The following MARCHF6 variants were observed in gnomAD, a reference collection of about 807,000 sequenced individuals.
MARCHF6 encodes the protein E3 ubiquitin-protein ligase MARCHF6.
A neutral mutation model predicts 133.7 loss-of-function variants in MARCHF6; 31 were observed. The observed-to-expected ratio is 0.23, with a 90% CI of 0.17 to 0.31. The LOEUF (loss-of-function observed/expected upper bound fraction) is 0.31. Among genes scored for constraint, MARCHF6 ranks in the 10% least tolerant of loss-of-function variants. The probability of loss-of-function intolerance (pLI) is 1.00; values close to 1 mark genes in which losing one functional copy is unlikely to be tolerated. For synonymous variants in MARCHF6, 395 were observed against 402.5 expected (o/e 0.98, Z 0.22); for missense variants, 723 against 1,121.6 (o/e 0.64, Z 5.08).
At chr5:10,399,234 A>G (rs1420973124) in intron 10 of MARCHF6, among the ~76,000 whole-genome samples, 1 of 152,176 alleles carries the variant, frequency 6.6e-6, no homozygotes, top group Non-Finnish European at 1.5e-5. Flanking sequence ...AAAATTCAAC[A>G]TACAGTTTTT....
rs1561161237 is a variant in MARCHF6, at chr5:10,437,464, G to C, written c.*3780G>C. The C allele has an allele frequency of 2.6e-5, 4 of 152,202 alleles. No homozygotes were observed. The East Asian group carries it at 7.7e-4, about 29-fold the overall frequency. The allele number at this position is 152,202 out of a possible 1,614,324, so 9.4% of individuals were successfully genotyped here. A position where few individuals can be genotyped will look rare whatever the true frequency, so the allele number is the denominator to read the frequency against. ...TTTCTTTTCAGCCTGTTACTGTCCT[G>C]TGCCATTTTTAAAAATAGCCATCAT... On this transcript the variant is annotated 3_prime_UTR_variant, in exon 26 of 26. Transcript: ENST00000274140.
At chr5:10,403,381 C>G in intron 14 of MARCHF6, 26 bp from the exon 15 acceptor site, 1 of 1,601,600 alleles carries the variant, frequency 6.2e-7, no homozygotes, top group East Asian at 2.2e-5. Flanking sequence ...GCACAGATTT[C>G]TCTTACCTGT....
At position 10,417,263 on chromosome 5, in the gene MARCHF6, C is replaced by G. The variant is rs1189226465; in HGVS notation, c.2149-7C>G. On this transcript the variant is annotated splice_polypyrimidine_tract_variant and splice_region_variant and intron_variant, in intron 21 of 25. Coordinates refer to ENST00000274140, the MANE Select transcript of MARCHF6 (RefSeq NM_005885.4). ...CTTTAATGATGTGGGCTCCTGTTTC[C>G]TAATAGATCATGAAGACTTTGATAG... is the stretch of plus-strand genomic sequence containing the variant. 1 of 1,602,768 alleles carries G rather than the reference C, an allele frequency of 6.2e-7. No homozygotes were observed. The highest frequency in any genetic ancestry group is 1.4e-5 in the African/African-American group (1 of 73,694).
chr5:10,423,657 A>G, intron 22 of MARCHF6, 78 bp from the exon 23 acceptor site: 1 of 927,564 alleles, frequency 1.1e-6, no homozygotes, highest in Middle Eastern at 3.1e-4. Flanking sequence ...AAATAATGTA[A>G]GAAAATTATA....
rs745623962 is a variant in MARCHF6, at chr5:10,353,889, C to A, written c.-10C>A. The A allele has an allele frequency of 1.9e-6, 3 of 1,565,226 alleles. No homozygotes were observed. The highest frequency in any genetic ancestry group is 2.3e-5 in the South Asian group (2 of 85,972). Reference sequence around the variant, plus strand: ...CTCGTGGCTGCGTCACCGCCGCCCCCCCAGACAAGATGGACACCGCGGAGG... The same window carrying A: ...CTCGTGGCTGCGTCACCGCCGCCCCACCAGACAAGATGGACACCGCGGAGG... On this transcript the variant is annotated 5_prime_UTR_variant, in exon 1 of 26. Transcript: ENST00000274140.
intron 1 of MARCHF6, among the ~76,000 whole-genome samples, chr5:10,362,277 A>G (rs1246857181): frequency 1.3e-5 from 2 of 152,178 alleles, no homozygotes; most frequent in Non-Finnish European, 2.9e-5. Context: ...GTACATGTCT[A>G]CTACGTATCT....
chr5:10,413,740 C>T (rs544681262), intron 19 of MARCHF6, among the ~76,000 whole-genome samples: 108 of 152,198 alleles, frequency 7.1e-4, no homozygotes, highest in African/African-American at 2.6e-3. Flanking sequence ...TTTATAAAAC[C>T]GTCAGATCTG....
intron 19 of MARCHF6, among the ~76,000 whole-genome samples, chr5:10,413,874 G>A (rs1218784249): frequency 6.6e-6 from 1 of 152,034 alleles, no homozygotes; most frequent in South Asian, 2.1e-4. Flanking sequence ...ATTTGAGTGG[G>A]GACACAGTCA....
At chr5:10,361,324 A>G (rs1735807748) in intron 1 of MARCHF6, among the ~76,000 whole-genome samples, 3 of 152,218 alleles carry the variant, frequency 2.0e-5, no homozygotes, top group African/African-American at 4.8e-5. Flanking sequence ...ACAAAGTACT[A>G]CAGATTGGGT....
intron 18 of MARCHF6, 22 bp downstream of exon 18, chr5:10,410,298 C>T (rs1382291158): frequency 5.0e-6 from 8 of 1,608,932 alleles, no homozygotes; most frequent in Non-Finnish European, 6.8e-6. Context: ...CAGCTGACTC[C>T]TTGGACATGC....
intron 1 of MARCHF6, among the ~76,000 whole-genome samples, chr5:10,362,436 C>T (rs1246682696): frequency 6.6e-6 from 1 of 152,146 alleles, no homozygotes; most frequent in African/African-American, 2.4e-5. Flanking sequence ...CCCAAGACCC[C>T]TTTACATTCT....
chr5:10,389,916 T>C (rs772823125), intron 5 of MARCHF6, among the ~76,000 whole-genome samples: 1 of 152,208 alleles, frequency 6.6e-6, no homozygotes, highest in Non-Finnish European at 1.5e-5. Flanking sequence ...CAGAAACTCT[T>C]AGAGTTGGAC....
chr5:10,370,875 G>A (rs994569373), intron 1 of MARCHF6, among the ~76,000 whole-genome samples: 59 of 152,102 alleles, frequency 3.9e-4, no homozygotes, highest in Admixed American at 2.6e-4. Flanking sequence ...TGTTTTACTC[G>A]ATGGAGCAGT....
At chr5:10,357,311 T>C (rs538287659) in intron 1 of MARCHF6, among the ~76,000 whole-genome samples, 2 of 151,850 alleles carry the variant, frequency 1.3e-5, no homozygotes, top group Admixed American at 1.3e-4. Context: ...AAACATTTTG[T>C]CATAGAATGC....
intron 1 of MARCHF6, among the ~76,000 whole-genome samples, chr5:10,375,883 A>G (rs999184097): frequency 5.3e-5 from 8 of 151,952 alleles, no homozygotes; most frequent in East Asian, 1.9e-4. Context: ...GAGTGCACCA[A>G]TCTACACTCT....
At chr5:10,395,024 C>A (rs1023310091) in intron 9 of MARCHF6, among the ~76,000 whole-genome samples, 1 of 152,174 alleles carries the variant, frequency 6.6e-6, no homozygotes, top group Non-Finnish European at 1.5e-5. Context: ...TGGTCTCGAT[C>A]TCCTGACCTC....
intron 5 of MARCHF6, among the ~76,000 whole-genome samples, chr5:10,387,665 A>G: frequency 6.6e-6 from 1 of 152,032 alleles, no homozygotes; most frequent in East Asian, 1.9e-4. Flanking sequence ...TTATGTTCAC[A>G]AAAGTTTTTT....
Position 10,366,151 on chromosome 5 carries a change from C to T in MARCHF6, c.20-11647C>T, listed in dbSNP as rs545577858. Among the ~76,000 whole-genome samples the T allele has an allele frequency of 1.1e-4, 17 of 152,036 alleles. No homozygotes were observed. In the East Asian group the frequency reaches 3.1e-3, roughly 28 times the overall value. ...TTCGCCATGTTGGCCAGGCTGGTTTCGAACTTCTGGACTCAAGTGATCCAT... is the reference window on the plus strand; with the variant it reads ...TTCGCCATGTTGGCCAGGCTGGTTTTGAACTTCTGGACTCAAGTGATCCAT... On this transcript the variant is annotated intron_variant, in intron 1 of 25. Transcript: ENST00000274140.
intron 1 of MARCHF6, among the ~76,000 whole-genome samples, 193 bp from the exon 2 acceptor site, chr5:10,377,601 ATTAT>A (rs1176682676): frequency 1.3e-5 from 2 of 152,206 alleles, no homozygotes; most frequent in Admixed American, 6.5e-5. Context: ...CTTTTAATAC[ATTAT>A]TTAGGAATTT....
Sources: gnomAD v4.1 joint callset for allele counts (sites outside exome capture counted in the v4.1 genomes callset) on GRCh38, gnomAD v4.1.1 for gene constraint, MANE v1.5 for transcripts, NCBI Gene and HGNC (gene_info 2026-07-23, HGNC 2026-07-21) for gene names.